CELSR1: variants seen among roughly 807,000 people sequenced by gnomAD.
CELSR1 encodes cadherin EGF LAG seven-pass G-type receptor 1.
In CELSR1, 110 loss-of-function variants were observed where a neutral mutation model predicts 249.1. The observed-to-expected ratio is 0.44, with a 90% CI of 0.38 to 0.52. The LOEUF (loss-of-function observed/expected upper bound fraction) is 0.52, where lower values mean the gene tolerates loss of function less well. Ranked by LOEUF, CELSR1 falls within the 20% of genes least tolerant of loss-of-function variation. The pLI is 0.00. For missense variants in CELSR1, 4,109 were observed against 4,296.4 expected (o/e 0.96, Z 1.22); for synonymous variants, 2,113 against 1,900.0 (o/e 1.11, Z -2.92).
At position 46,378,539 on chromosome 22, in the gene CELSR1, G is replaced by T. The variant is rs992363829; in HGVS notation, c.7383+52C>A. 54 of 1,521,836 alleles carry T rather than the reference G, an allele frequency of 3.5e-5. 1 individual carries two copies. In the Admixed American group the frequency reaches 1.1e-3, roughly 30 times the overall value. The allele number at this position is 1,521,836 out of a possible 1,614,324, so 94.3% of individuals were successfully genotyped here. A position where few individuals can be genotyped will look rare whatever the true frequency, so the allele number is the denominator to read the frequency against. The stretch of plus-strand genomic sequence containing the variant: ...GGAGGTGCAGGTTTGGGGGGGAGGG[G>T]CAGGTTTGGCGGTAGGCCCAGAGGG... On this transcript the variant is annotated intron_variant, in intron 23 of 34. Coordinates refer to ENST00000674500, the MANE Select transcript of CELSR1 (RefSeq NM_001378328.1).
chr22:46,522,431 T>C (rs756364614), intron 1 of CELSR1, among the ~76,000 whole-genome samples: 1 of 152,222 alleles, frequency 6.6e-6, no homozygotes, highest in African/African-American at 2.4e-5. Flanking sequence ...AATTTCCCTG[T>C]TGACTAATGA....
At chr22:46,449,952 G>GCACTCACATGCTCACACA (rs6147647) in intron 2 of CELSR1, among the ~76,000 whole-genome samples, 53,429 of 150,716 alleles carry the variant, frequency 0.35, 10,410 homozygotes, top group African/African-American at 0.5. Context: ...TCACATGCAC[G>GCACTCACATGCTCACACA]CACTCACATG....
chr22:46,529,170 G>T (rs1361274173), intron 1 of CELSR1, among the ~76,000 whole-genome samples: 1 of 151,524 alleles, frequency 6.6e-6, no homozygotes, highest in Non-Finnish European at 1.5e-5. Context: ...GGAGGCTGAG[G>T]CAGGAGAATG....
At chr22:46,533,462 C>A (rs5767248) in intron 1 of CELSR1, among the ~76,000 whole-genome samples, 165 bp downstream of exon 1, 2 of 152,224 alleles carry the variant, frequency 1.3e-5, no homozygotes, top group Admixed American at 6.5e-5. Flanking sequence ...GGGCCTAGGC[C>A]GGGCGCCCAC....
chr22:46,425,390 C>G (rs2079525290), intron 5 of CELSR1, among the ~76,000 whole-genome samples: 1 of 152,168 alleles, frequency 6.6e-6, no homozygotes, highest in South Asian at 2.1e-4. Flanking sequence ...TGTTAGAATT[C>G]TCTTGTGAAG....
rs1250402612 is a variant in CELSR1 at position 46,384,656 on chromosome 22, T to C, written c.6770A>G (p.Asn2257Ser). The change falls in exon 20 of 35, where the codon AAC becomes AGC. Residue 2257 changes from asparagine to serine, a missense_variant. Physicochemically the swap from Asn to Ser is conservative, Grantham distance 46. Around this residue, in one of 7 missense-constraint regions of CELSR1, gnomAD observed 1,805 missense variants for 1,831.6 expected, o/e 0.99. Coordinates refer to ENST00000674500, the MANE Select transcript of CELSR1 (RefSeq NM_001378328.1). ...ILAVDIFDKF[N>S]FTGARVPRFD... ...TCGCGGGACCCTGGCTCCCGTAAAG[T>C]TGAACTTGTCAAAGATGTCGACAGC... 1.2e-6 allele frequency: 2 copies of C among 1,613,336 alleles called. No individual in the cohort carries two copies. Among genetic ancestry groups the C allele is most frequent in the African/African-American group, 1.3e-5 (1 of 75,004 alleles).
chr22:46,391,396 A>T lies in CELSR1; in HGVS notation c.6149-109T>A. 2.0e-6 allele frequency: 2 copies of T among 1,004,424 alleles called. No homozygotes were observed. Among genetic ancestry groups the T allele is most frequent in the South Asian group, 1.5e-5 (1 of 65,216 alleles). 62.2% of individuals were successfully genotyped at this position (1,004,424 alleles called of 1,614,324 possible). Reference sequence around the variant, plus strand: ...CCCTGCAGGAGGCCCTGCTCCCACCAAGAACCGAACCCTAGCATCTCCCCT... The same window carrying T: ...CCCTGCAGGAGGCCCTGCTCCCACCTAGAACCGAACCCTAGCATCTCCCCT... On this transcript the variant is annotated intron_variant, in intron 15 of 34. Coordinates refer to ENST00000674500, the MANE Select transcript of CELSR1 (RefSeq NM_001378328.1). This position sits in a 1 kb window ranked among gnomAD's most constrained non-coding sequence, Gnocchi z 4.3.
At position 46,519,018 on chromosome 22, in the gene CELSR1, G is replaced by A. The variant is rs141022735; in HGVS notation, c.3544+14609C>T. On this transcript the variant is annotated intron_variant, in intron 1 of 34. Coordinates refer to ENST00000674500, the MANE Select transcript of CELSR1 (RefSeq NM_001378328.1). ...ACTGTACTCCAGCCTGGGTAACGGA[G>A]CGAGACTCTGTATCAAAAAAAAAAA... Among the ~76,000 whole-genome samples, 17 of 151,894 alleles carry A rather than the reference G, an allele frequency of 1.1e-4. 1 individual carries two copies. In the East Asian group the frequency reaches 3.3e-3, roughly 29 times the overall value.
rs2079122907 is a variant in CELSR1, at chr22:46,394,070, G to A, written c.5964+72C>T. 4 of 1,561,902 alleles carry A rather than the reference G, an allele frequency of 2.6e-6. No individual in the cohort carries two copies. In the African/African-American group the frequency reaches 5.4e-5, roughly 21 times the overall value. ...ACCGACAGGGTATGTGAAGGCGTGT[G>A]TGTATTTAGGGGCAGCTGTGCATGT... On this transcript the variant is annotated intron_variant, in intron 14 of 34. Coordinates refer to ENST00000674500, the MANE Select transcript of CELSR1 (RefSeq NM_001378328.1).
rs574411075 is a variant in CELSR1, at chr22:46,446,162, G to A, written c.4184-6751C>T. On this transcript the variant is annotated intron_variant, in intron 2 of 34. Transcript: ENST00000674500. This position sits in a 1 kb window ranked among gnomAD's most constrained non-coding sequence, Gnocchi z 5.5. ...CACACCATACTCACGAGCCTGTGCC[G>A]GCCCCACTGTCTCCCTCCTCCCAGG... Among the ~76,000 whole-genome samples, 315 of 152,034 alleles carry A rather than the reference G, an allele frequency of 2.1e-3. 2 individuals carry two copies. The highest frequency in any genetic ancestry group is 4.0e-3 in the Admixed American group (61 of 15,262).
At chr22:46,467,716 G>C (rs1418066762) in intron 1 of CELSR1, among the ~76,000 whole-genome samples, 1 of 146,178 alleles carries the variant, frequency 6.8e-6, no homozygotes, top group Non-Finnish European at 1.5e-5. Flanking sequence ...CAGCTACTCA[G>C]GAGGCTGAGG....
At position 46,417,138 on chromosome 22, in the gene CELSR1, A is replaced by T. The variant is rs1202733332; in HGVS notation, c.4612-5379T>A. 6.6e-6 allele frequency among the ~76,000 whole-genome samples: 1 copy of T among 152,192 alleles called. No homozygotes were observed. The highest frequency in any genetic ancestry group is 1.5e-5 in the Non-Finnish European group (1 of 68,046). On this transcript the variant is annotated intron_variant, in intron 5 of 34. Transcript: ENST00000674500. This position sits in a 1 kb window ranked among gnomAD's most constrained non-coding sequence, Gnocchi z 4.1. ...TGAACGTTCCATGCTGTCATTTCTC[A>T]AGATGACAAAGTTCAGGCCTGTCTG...
intron 30 of CELSR1, 77 bp from the exon 31 acceptor site, chr22:46,365,766 C>T: frequency 9.0e-7 from 1 of 1,109,966 alleles, no homozygotes; most frequent in Non-Finnish European, 1.3e-6. Context: ...CTGGAAGATT[C>T]TCTGCCCCTA....
intron 24 of CELSR1, among the ~76,000 whole-genome samples, chr22:46,375,539 C>CT (rs971800051): frequency 0.02 from 2,428 of 120,550 alleles, 49 homozygotes; most frequent in Middle Eastern, 0.028. Flanking sequence ...CTGCCAGGCT[C>CT]TTTTTTTTTT....
chr22:46,510,255 A>G (rs2147763244), intron 1 of CELSR1, among the ~76,000 whole-genome samples: 1 of 152,328 alleles, frequency 6.6e-6, no homozygotes, highest in East Asian at 1.9e-4. Context: ...AAGCATTTTC[A>G]GGAAAGGAAA....
intron 5 of CELSR1, among the ~76,000 whole-genome samples, chr22:46,426,388 C>T (rs962500974): frequency 2.0e-5 from 3 of 152,088 alleles, no homozygotes; most frequent in Admixed American, 6.5e-5. Context: ...CTGGAGGCTG[C>T]GAGTCCAAAA....
Position 46,537,313 on chromosome 22 carries a change from T to TA in CELSR1, c.-144_-143insT. 1.1e-6 allele frequency: 1 copy of TA among 934,314 alleles called. No homozygotes were observed. The highest frequency in any genetic ancestry group is 1.3e-6 in the Non-Finnish European group (1 of 781,212). The allele number at this position is 934,314 out of a possible 1,614,324, so 57.9% of individuals were successfully genotyped here. ...CCGCGTCCCGCCTCCCCGGGGGCCC[T>TA]GGCGGGGACTGTGGGGACCACGCGC... On this transcript the variant is annotated 5_prime_UTR_variant, in exon 1 of 35. Transcript: ENST00000674500. This position sits in a 1 kb window ranked among gnomAD's most constrained non-coding sequence, Gnocchi z 5.8.
chr22:46,399,693 G>C lies in CELSR1; in HGVS notation c.5412+24C>G, dbSNP rs763073551. On this transcript the variant is annotated intron_variant, in intron 10 of 34. Coordinates refer to ENST00000674500, the MANE Select transcript of CELSR1 (RefSeq NM_001378328.1). This position sits in a 1 kb window ranked among gnomAD's most constrained non-coding sequence, Gnocchi z 5.0. ...GGGCCGGAGGAAGGGTCTATCCCCA[G>C]AGGAGGTGCAGGTGCCAGCTCACCT... 2 of 1,611,816 alleles carry C rather than the reference G, an allele frequency of 1.2e-6. No individual in the cohort carries two copies. Among genetic ancestry groups the C allele is most frequent in the Non-Finnish European group, 8.5e-7 (1 of 1,177,966 alleles).
intron 13 of CELSR1, among the ~76,000 whole-genome samples, chr22:46,394,833 C>T (rs757388546): frequency 1.2e-4 from 19 of 152,228 alleles, no homozygotes; most frequent in Admixed American, 2.6e-4. Context: ...CCTCCCTGAG[C>T]CTCCCCCGGC....
Sources: allele counts gnomAD v4.1 joint callset (sites outside exome capture counted in the v4.1 genomes callset), GRCh38; gene constraint gnomAD v4.1.1; regional missense constraint gnomAD v4.1.1; non-coding constraint Gnocchi (gnomAD v3.1); transcripts MANE v1.5; gene names NCBI Gene and HGNC (gene_info 2026-07-23, HGNC 2026-07-21).